PHTF2: variants seen among roughly 807,000 people sequenced by gnomAD.
PHTF2 encodes the protein protein PHTF2.
A neutral mutation model predicts 101.2 loss-of-function variants in PHTF2; 60 were observed. That is an observed-to-expected ratio of 0.59 (90% CI 0.48 to 0.73). PHTF2 has a LOEUF of 0.73. Ranked by LOEUF, PHTF2 falls within the 30% of genes least tolerant of loss-of-function variation. The pLI is 0.00. For missense variants in PHTF2, 747 were observed against 908.7 expected (o/e 0.82, Z 2.29); for synonymous variants, 311 against 307.3 (o/e 1.01, Z -0.13).
At chr7:77,953,928 T>A in intron 19 of PHTF2, 34 bp downstream of exon 18, 1 of 1,605,212 alleles carries the variant, frequency 6.2e-7, no homozygotes, top group Non-Finnish European at 8.5e-7. Flanking sequence ...ATTTCTTAGT[T>A]TCCTGTTGCA....
intron 18 of PHTF2, among the ~76,000 whole-genome samples, chr7:77,952,284 T>G (rs1356001993): frequency 6.6e-6 from 1 of 152,178 alleles, no homozygotes; most frequent in African/African-American, 2.4e-5. Context: ...TTTTTTAAAA[T>G]TTCAACTTCT....
intron 9 of PHTF2, among the ~76,000 whole-genome samples, chr7:77,918,238 A>G (rs1803114057): frequency 6.6e-6 from 1 of 151,986 alleles, no homozygotes; most frequent in South Asian, 2.1e-4. Context: ...TTAACCCTAT[A>G]GAGTCTGGTT....
intron 1 of PHTF2, among the ~76,000 whole-genome samples, chr7:77,828,854 C>T (rs1380166376): frequency 6.6e-6 from 1 of 151,430 alleles, no homozygotes; most frequent in Admixed American, 6.6e-5. Context: ...GGTGACAGGG[C>T]GAGACTCCAT....
intron 11 of PHTF2, chr7:77,923,070 T>C: frequency 9.4e-7 from 1 of 1,062,046 alleles, no homozygotes; most frequent in Non-Finnish European, 1.1e-6. Context: ...ATCTGCAAAC[T>C]CCTGTGTTCA....
chr7:77,832,607 G>C (rs1381427101), intron 1 of PHTF2, among the ~76,000 whole-genome samples: 1 of 152,088 alleles, frequency 6.6e-6, no homozygotes, highest in Non-Finnish European at 1.5e-5. Context: ...TTCTAACATC[G>C]TATCTTTGTG....
intron 1 of PHTF2, among the ~76,000 whole-genome samples, chr7:77,805,012 A>G (rs947565554): frequency 6.6e-6 from 1 of 152,222 alleles, no homozygotes; most frequent in African/African-American, 2.4e-5. Context: ...ACTTCAGACA[A>G]TACTAAGTGA....
chr7:77,899,725 T>C (rs1175073978), intron 5 of PHTF2, among the ~76,000 whole-genome samples: 1 of 152,178 alleles, frequency 6.6e-6, no homozygotes, highest in South Asian at 2.1e-4. Flanking sequence ...ATTTTTACTT[T>C]GATGGGGGGT....
In PHTF2 at chr7:77,892,349, A is replaced by T. The variant is rs187621129; in HGVS notation, c.148-1259A>T. On this transcript the variant is annotated intron_variant, in intron 3 of 19. Coordinates refer to ENST00000416283, the Ensembl canonical transcript of PHTF2. ...CAAGTCACTTAAGTTATTTTATTCT[A>T]CCTCCTTTGTGTCTACTTTTAACCC... is the stretch of plus-strand genomic sequence containing the variant. Among the ~76,000 whole-genome samples the T allele has an allele frequency of 1.1e-4, 16 of 152,312 alleles. No homozygotes were observed. In the East Asian group the frequency reaches 1.9e-3, roughly 18 times the overall value.
intron 12 of PHTF2, among the ~76,000 whole-genome samples, chr7:77,933,187 G>A (rs936352318): frequency 3.3e-5 from 5 of 152,246 alleles, no homozygotes; most frequent in East Asian, 1.9e-4. Context: ...GCAGTGAGCC[G>A]AGATGGCACC....
At chr7:77,875,484 C>T (rs752767469) in intron 3 of PHTF2, among the ~76,000 whole-genome samples, 5 of 151,752 alleles carry the variant, frequency 3.3e-5, no homozygotes, top group African/African-American at 4.8e-5. Context: ...GGCCCAGAGC[C>T]TCCTATATCA....
chr7:77,940,563 A>G (rs1305341888), exon 15 of PHTF2: 2 of 1,608,398 alleles, frequency 1.2e-6, no homozygotes, highest in Non-Finnish European at 1.7e-6. Context: ...GACATTTAAC[A>G]TCTGCAAGGA....
At chr7:77,901,439 C>T (rs1439152771) in intron 6 of PHTF2, among the ~76,000 whole-genome samples, 1 of 144,988 alleles carries the variant, frequency 6.9e-6, no homozygotes, top group Non-Finnish European at 1.5e-5. Flanking sequence ...CCCTGGGCAG[C>T]AGAGTGAGAT....
intron 3 of PHTF2, among the ~76,000 whole-genome samples, chr7:77,885,705 A>G (rs1198645875): frequency 6.6e-6 from 1 of 152,188 alleles, no homozygotes; most frequent in East Asian, 1.9e-4. Flanking sequence ...TCGGCCTCCC[A>G]AAGTGCTAGG....
intron 8 of PHTF2, chr7:77,909,500 AC>A (rs1802174499): frequency 6.6e-6 from 1 of 152,130 alleles, no homozygotes; most frequent in African/African-American, 2.4e-5. Flanking sequence ...AGCTGGGAAT[AC>A]AGGTGTATGC....
chr7:77,939,602 A>AG (rs1805464281), intron 13 of PHTF2, among the ~76,000 whole-genome samples: 1 of 151,672 alleles, frequency 6.6e-6, no homozygotes, highest in Non-Finnish European at 1.5e-5. Context: ...AAAAAAAAAA[A>AG]AAAAAAGAAA....
At chr7:77,859,558 TTTC>T (rs1481353616) in intron 3 of PHTF2, among the ~76,000 whole-genome samples, 1 of 140,540 alleles carries the variant, frequency 7.1e-6, no homozygotes, top group Non-Finnish European at 1.5e-5. Context: ...CTTTTCTTTC[TTTC>T]TTCTTTTTTT....
chr7:77,827,246 T>G (rs1584413514), intron 1 of PHTF2, among the ~76,000 whole-genome samples: 2 of 152,342 alleles, frequency 1.3e-5, no homozygotes, highest in Admixed American at 1.3e-4. Flanking sequence ...AGGAGGAACT[T>G]TTAAGACCTA....
chr7:77,907,013 T>C (rs1301712365), intron 7 of PHTF2, among the ~76,000 whole-genome samples: 2 of 152,150 alleles, frequency 1.3e-5, no homozygotes, highest in East Asian at 3.9e-4. Context: ...TCAAAATGTT[T>C]TACATGCACT....
At chr7:77,840,568 CATT>C (rs534586989) in intron 2 of PHTF2, among the ~76,000 whole-genome samples, 1 of 152,052 alleles carries the variant, frequency 6.6e-6, no homozygotes, top group Non-Finnish European at 1.5e-5. Context: ...TTTATAAAAA[CATT>C]AACACTTTCC....
Sources: gnomAD v4.1 joint callset for allele counts (sites outside exome capture counted in the v4.1 genomes callset) on GRCh38, gnomAD v4.1.1 for gene constraint, MANE v1.5 for transcripts, NCBI Gene and HGNC (gene_info 2026-07-23, HGNC 2026-07-21) for gene names.